Variants in CAMK1D observed in about 807,000 individuals in gnomAD.
CAMK1D encodes the protein calcium/calmodulin dependent protein kinase ID.
CAMK1D carries 9 observed loss-of-function variants against 47.7 expected under a neutral mutation model. The observed-to-expected ratio is 0.19, with a 90% CI of 0.11 to 0.33. The LOEUF is 0.33. Ranked by LOEUF, CAMK1D falls within the 10% of genes least tolerant of loss-of-function variation. CAMK1D has a pLI of 1.00. For missense variants in CAMK1D, 291 were observed against 488.7 expected (o/e 0.60, Z 3.81); for synonymous variants, 184 against 184.9 (o/e 0.99, Z 0.04).
At chr10:12,784,878 A>G (rs1837657079) in intron 5 of CAMK1D, among the ~76,000 whole-genome samples, 1 of 152,238 alleles carries the variant, frequency 6.6e-6, no homozygotes, top group Non-Finnish European at 1.5e-5. Flanking sequence ...CTGACCAATC[A>G]GGACATACGG....
At chr10:12,381,999 C>T (rs1159173215) in intron 1 of CAMK1D, among the ~76,000 whole-genome samples, 1 of 152,116 alleles carries the variant, frequency 6.6e-6, no homozygotes, top group Non-Finnish European at 1.5e-5. Flanking sequence ...CACACCAGTC[C>T]ATTTTCCTTG....
chr10:12,678,346 A>G (rs1258542747), intron 3 of CAMK1D, among the ~76,000 whole-genome samples: 1 of 152,248 alleles, frequency 6.6e-6, no homozygotes, highest in East Asian at 1.9e-4. Flanking sequence ...TGTGATTGGA[A>G]AGATACTTTG....
At chr10:12,421,614 C>T (rs933566475) in intron 1 of CAMK1D, among the ~76,000 whole-genome samples, 1 of 146,932 alleles carries the variant, frequency 6.8e-6, no homozygotes, top group Non-Finnish European at 1.5e-5. Flanking sequence ...CGACCTCTGC[C>T]TCCTGGGTTC....
At chr10:12,400,911 G>A (rs1839154013) in intron 1 of CAMK1D, among the ~76,000 whole-genome samples, 1 of 149,468 alleles carries the variant, frequency 6.7e-6, no homozygotes. Context: ...GAGCCCAGGA[G>A]CTCAAGACCA....
intron 3 of CAMK1D, among the ~76,000 whole-genome samples, chr10:12,719,685 G>A (rs7923465): frequency 0.46 from 69,581 of 152,020 alleles, 16,372 homozygotes; most frequent in Middle Eastern, 0.61. Flanking sequence ...GAAGAACCCA[G>A]TGCCAGCACT....
At chr10:12,743,203 C>G (rs773704396) in intron 3 of CAMK1D, among the ~76,000 whole-genome samples, 6 of 151,774 alleles carry the variant, frequency 4.0e-5, no homozygotes, top group Non-Finnish European at 7.4e-5. Context: ...AAAAATTAGC[C>G]GGGCATGGTG....
intron 2 of CAMK1D, among the ~76,000 whole-genome samples, chr10:12,662,555 G>A (rs896005108): frequency 1.3e-5 from 2 of 152,026 alleles, no homozygotes; most frequent in Non-Finnish European, 2.9e-5. Flanking sequence ...GGGAGGCTGA[G>A]GCAGGGGAAT....
At chr10:12,373,304 G>C (rs1197006920) in intron 1 of CAMK1D, among the ~76,000 whole-genome samples, 1 of 140,684 alleles carries the variant, frequency 7.1e-6, no homozygotes. Context: ...CAGAGGGAGA[G>C]CCTGTCTCAA....
chr10:12,697,812 C>T (rs1019142923), intron 3 of CAMK1D, among the ~76,000 whole-genome samples: 26 of 152,154 alleles, frequency 1.7e-4, no homozygotes, highest in African/African-American at 4.8e-4. Flanking sequence ...GGATTTTGGC[C>T]GGGCGTTGCT....
intron 5 of CAMK1D, among the ~76,000 whole-genome samples, chr10:12,780,476 T>A (rs1227987730): frequency 6.6e-6 from 1 of 152,220 alleles, no homozygotes; most frequent in Admixed American, 6.5e-5. Flanking sequence ...TATGTAAATA[T>A]CTACGTGTCA....
At chr10:12,452,771 A>G (rs1201871723) in intron 1 of CAMK1D, among the ~76,000 whole-genome samples, 1 of 152,050 alleles carries the variant, frequency 6.6e-6, no homozygotes, top group Non-Finnish European at 1.5e-5. Flanking sequence ...TTTTTAGTAT[A>G]GACGGGGTTT....
chr10:12,541,839 T>G (rs1284394461), intron 1 of CAMK1D, among the ~76,000 whole-genome samples: 1 of 87,222 alleles, frequency 1.1e-5, no homozygotes, highest in African/African-American at 3.7e-5. Flanking sequence ...TTGCTGTGTT[T>G]TATCTTCCTT....
At chr10:12,390,090 A>G (rs1338556812) in intron 1 of CAMK1D, among the ~76,000 whole-genome samples, 1 of 152,156 alleles carries the variant, frequency 6.6e-6, no homozygotes, top group African/African-American at 2.4e-5. Context: ...TGGAGGAATG[A>G]ATAGTCCTGT....
intron 3 of CAMK1D, among the ~76,000 whole-genome samples, chr10:12,691,421 A>ATT (rs869207786): frequency 3.0e-3 from 13 of 4,294 alleles, no homozygotes; most frequent in East Asian, 9.8e-3. Flanking sequence ...ATATATATAT[A>ATT]TTTTTTTTTT....
chr10:12,354,515 T>A (rs1837444266), intron 1 of CAMK1D, among the ~76,000 whole-genome samples: 1 of 151,010 alleles, frequency 6.6e-6, no homozygotes, highest in Non-Finnish European at 1.5e-5. Context: ...AACCTCCGCC[T>A]CCCAGGTTCA....
rs1423399466 is a variant in CAMK1D at position 12,824,355 on chromosome 10, C to T, written c.834-110C>T. The T allele has an allele frequency of 6.2e-5, 55 of 893,410 alleles. 3 individuals are homozygous for T. In the South Asian group the frequency reaches 8.0e-4, roughly 13 times the overall value. The allele number at this position is 893,410 out of a possible 1,614,324, so 55.3% of individuals were successfully genotyped here. The stretch of plus-strand genomic sequence containing the variant: ...GAAGGGCAGCGGCCAGCCACCCTGT[C>T]CACGACTGAGCCTCGGCTCTCCTGA... On this transcript the variant is annotated intron_variant, in intron 8 of 10. Coordinates refer to ENST00000619168, the MANE Select transcript of CAMK1D (RefSeq NM_153498.4).
chr10:12,693,983 A>ATATATAAAATATATAATATATAT (rs1564497663), intron 3 of CAMK1D, among the ~76,000 whole-genome samples: 196 of 3,692 alleles, frequency 0.053, 11 homozygotes, highest in East Asian at 0.29. Flanking sequence ...AATATATATT[A>ATATATAAAATATATAATATATAT]TATATACATA....
At chr10:12,350,415 G>A (rs1261167573) in intron 1 of CAMK1D, among the ~76,000 whole-genome samples, 2 of 152,244 alleles carry the variant, frequency 1.3e-5, no homozygotes, top group African/African-American at 4.8e-5. Context: ...ACTTTGGGTG[G>A]CCACGCGAGG....
At chr10:12,469,867 G>GT (rs951300307) in intron 1 of CAMK1D, among the ~76,000 whole-genome samples, 4 of 151,698 alleles carry the variant, frequency 2.6e-5, no homozygotes, top group African/African-American at 7.3e-5. Flanking sequence ...CTGGCTGATT[G>GT]TTTTTTTTCC....
Sources: gnomAD v4.1 joint callset for allele counts (sites outside exome capture counted in the v4.1 genomes callset) on GRCh38, gnomAD v4.1.1 for gene constraint, MANE v1.5 for transcripts, NCBI Gene and HGNC (gene_info 2026-07-23, HGNC 2026-07-21) for gene names.